The following CATSPERZ variants were observed in gnomAD, a reference collection of about 807,000 sequenced individuals.
The protein encoded by CATSPERZ is catsper channel auxiliary subunit zeta, also known as cation channel sperm-associated auxiliary subunit zeta.
CATSPERZ carries 21 observed loss-of-function variants against 21.7 expected under a neutral mutation model. The ratio of observed to expected loss-of-function variants is 0.97; its 90% CI spans 0.69 to 1.39. The LOEUF is 1.39. Among genes scored for constraint, CATSPERZ ranks in the 40% most tolerant of loss-of-function variants. CATSPERZ has a pLI of 0.00. For missense variants in CATSPERZ, 234 were observed against 259.5 expected (o/e 0.90, Z 0.68); for synonymous variants, 127 against 108.7 (o/e 1.17, Z -1.05).
At position 64,300,984 on chromosome 11, in the gene CATSPERZ, G is replaced by A. The variant is rs1362516298; in HGVS notation, c.349G>A (p.Ala117Thr). ...GEKDTASQIE[A>T]EKSSSMSSLN... ...GAAGGACACTGCATCCCAGATCGAG[G>A]CCGGTCAGTGTGGCCTCGCCAGGCC... The change falls in exon 2 of 5, where the codon GCC (alanine) becomes ACC (threonine). Residue 117 changes from alanine (A) to threonine (T), a missense_variant. Transcript: ENST00000328404. The A allele has an allele frequency of 7.8e-6, 12 of 1,538,552 alleles. No individual in the cohort carries two copies. In the East Asian group the frequency reaches 2.9e-4, roughly 37 times the overall value.
At chr11:64,302,837 C>T (rs2034948325) in intron 2 of CATSPERZ, among the ~76,000 whole-genome samples, 1 of 151,380 alleles carries the variant, frequency 6.6e-6, no homozygotes, top group Admixed American at 6.6e-5. Context: ...TCCCGAAGTG[C>T]CTGGATTACA....
intron 3 of CATSPERZ, 96 bp downstream of exon 3, chr11:64,303,657 T>C: frequency 1.1e-6 from 1 of 879,560 alleles, no homozygotes; most frequent in Non-Finnish European, 1.4e-6. Context: ...GTTGGCAGGG[T>C]GGAGGGGCAG....
In CATSPERZ at chr11:64,303,541, TG is replaced by T. The variant is rs1565372559; in HGVS notation, c.415del (p.Ala139GlnfsTer11). ...IAKHMPHRAYWAEQQSRLPLP... is the reference protein window; with the variant it reads ...IAKHMPHRAYXAEQQSRLPLP... Reference sequence around the variant, plus strand: ...GAAGCACATGCCCCATCGAGCCTACTGGGCAGAGCAGCAGAGCAGGGTTGGA... The same window carrying T: ...GAAGCACATGCCCCATCGAGCCTACTGGCAGAGCAGCAGAGCAGGGTTGGA... On this transcript the variant is annotated frameshift_variant, in exon 3 of 5. Transcript: ENST00000328404. LOFTEE classifies it high-confidence loss of function. 6.2e-7 allele frequency: 1 copy of T among 1,613,050 alleles called. No homozygotes were observed. Among genetic ancestry groups the T allele is most frequent in the Non-Finnish European group, 8.5e-7 (1 of 1,179,710 alleles).
At chr11:64,301,125 A>G (rs566385281) in intron 2 of CATSPERZ, 138 bp downstream of exon 2, 1 of 900,560 alleles carries the variant, frequency 1.1e-6, no homozygotes, top group Non-Finnish European at 1.6e-6. Context: ...GCCCGCGCCA[A>G]TCTTTCGCCC....
Position 64,304,601 on chromosome 11 carries a change from C to A in CATSPERZ, c.558C>A (p.Ile186=). The change falls in exon 5 of 5, where the codon ATC becomes ATA. Residue 186 remains isoleucine (I), a synonymous_variant. Coordinates refer to ENST00000328404, the MANE Select transcript of CATSPERZ (RefSeq NM_001039496.2). ...HFLTKELQRY[I]EGLKKRRSKR... is the part of the protein sequence containing the mutation. ...TGACTAAGGAGCTGCAGCGATACAT[C>A]GAAGGGCTCAAGAAGCGCCGGAGCA... 1.3e-6 allele frequency: 2 copies of A among 1,586,552 alleles called. No individual in the cohort carries two copies. The highest frequency in any genetic ancestry group is 1.7e-6 in the Non-Finnish European group (2 of 1,167,372).
rs1165243660 is a variant in CATSPERZ at position 64,303,578 on chromosome 11, A to G, written c.432+17A>G. ...CAGAGCAGGGTTGGAGGGGCTGGGGAGACTGGGCGTTTCGGTGGGGTAGGG... is the reference window on the plus strand; with the variant it reads ...CAGAGCAGGGTTGGAGGGGCTGGGGGGACTGGGCGTTTCGGTGGGGTAGGG... On this transcript the variant is annotated intron_variant, in intron 3 of 4. Coordinates refer to ENST00000328404, the MANE Select transcript of CATSPERZ (RefSeq NM_001039496.2). The G allele has an allele frequency of 4.4e-6, 7 of 1,606,282 alleles. No homozygotes were observed. The Admixed American group carries it at 1.2e-4, about 27-fold the overall frequency.
At chr11:64,303,369 C>A in intron 2 of CATSPERZ, 113 bp from the exon 3 acceptor site, 3 of 820,204 alleles carry the variant, frequency 3.7e-6, no homozygotes, top group Non-Finnish European at 5.9e-6. Context: ...AAGGCTGCAC[C>A]AGGAGCTGGT....
intron 2 of CATSPERZ, among the ~76,000 whole-genome samples, chr11:64,301,336 G>C (rs1170418183): frequency 6.6e-6 from 1 of 152,068 alleles, no homozygotes; most frequent in Non-Finnish European, 1.5e-5. Flanking sequence ...CTGTCGCCCA[G>C]GCTGGATGGA....
At chr11:64,303,600 A>C in intron 3 of CATSPERZ, 39 bp downstream of exon 3, 1 of 1,429,678 alleles carries the variant, frequency 7.0e-7, no homozygotes, top group Non-Finnish European at 9.3e-7. Context: ...TCGGTGGGGT[A>C]GGGGATAGGC....
At chr11:64,304,412 C>G in intron 4 of CATSPERZ, 131 bp from the exon 5 acceptor site, 1 of 662,326 alleles carries the variant, frequency 1.5e-6, no homozygotes, top group Non-Finnish European at 2.6e-6. Flanking sequence ...CAGGCTAACA[C>G]AGACCTGAGT....
Position 64,304,692 on chromosome 11 carries a change from C to A in CATSPERZ, c.*46C>A. ...GCAGCGACCCGAACCAGCCCCGTGC[C>A]AGCCCGGTCCCCAGACCCAAGCCTG... On this transcript the variant is annotated 3_prime_UTR_variant, in exon 5 of 5. Transcript: ENST00000328404. The A allele has an allele frequency of 6.6e-7, 1 of 1,508,454 alleles. No homozygotes were observed. Among genetic ancestry groups the A allele is most frequent in the Non-Finnish European group, 9.0e-7 (1 of 1,110,446 alleles). The allele number at this position is 1,508,454 out of a possible 1,614,324, so 93.4% of individuals were successfully genotyped here.
At chr11:64,301,522 C>A (rs2034926934) in intron 2 of CATSPERZ, among the ~76,000 whole-genome samples, 1 of 151,420 alleles carries the variant, frequency 6.6e-6, no homozygotes, top group Admixed American at 6.6e-5. Context: ...TACAGGCGCG[C>A]GCCACCACGT....
intron 4 of CATSPERZ, among the ~76,000 whole-genome samples, chr11:64,304,149 T>C (rs1436787126): frequency 6.6e-6 from 1 of 152,174 alleles, no homozygotes; most frequent in African/African-American, 2.4e-5. Flanking sequence ...TGGTGTGGCC[T>C]CGACTGCCTC....
intron 4 of CATSPERZ, 63 bp from the exon 5 acceptor site, chr11:64,304,480 C>A: frequency 7.7e-7 from 1 of 1,293,502 alleles, no homozygotes; most frequent in Non-Finnish European, 1.1e-6. Flanking sequence ...ACATGCGGCG[C>A]CCCCTGGTGG....
intron 2 of CATSPERZ, among the ~76,000 whole-genome samples, chr11:64,301,479 C>T (rs1289724149): frequency 6.9e-6 from 1 of 144,858 alleles, no homozygotes; most frequent in Non-Finnish European, 1.5e-5. Context: ...GATCTCTGCT[C>T]GCTGCAACCT....
chr11:64,304,510 A>G, intron 4 of CATSPERZ, 33 bp from the exon 5 acceptor site: 1 of 1,532,636 alleles, frequency 6.5e-7, no homozygotes, highest in Non-Finnish European at 8.8e-7. Context: ...TCGGTTGCTC[A>G]CTGCCCTGAG....
chr11:64,300,671 T>C lies in CATSPERZ; in HGVS notation c.36T>C (p.Ser12=). 6.5e-7 allele frequency: 1 copy of C among 1,537,436 alleles called. No individual in the cohort carries two copies. Among genetic ancestry groups the C allele is most frequent in the Non-Finnish European group, 8.8e-7 (1 of 1,137,372 alleles). ...EEKPSKVSLK[S]SDRQGSDEES... ...GTGGCCCACAGGTGTCGCTCAAGTC[T>C]TCCGACCGCCAAGGCTCGGACGAGG... Residue 12 remains serine, a synonymous_variant, in exon 2 of 5, where the codon TCT becomes TCC. Coordinates refer to ENST00000328404, the MANE Select transcript of CATSPERZ (RefSeq NM_001039496.2).
chr11:64,300,511 TACTC>T, intron 1 of CATSPERZ, 80 bp downstream of exon 1: 1 of 1,561,312 alleles, frequency 6.4e-7, no homozygotes, highest in Non-Finnish European at 8.7e-7. Flanking sequence ...CGCTATTTCT[TACTC>T]AGCCTTGGCT....
chr11:64,303,525 GC>G lies in CATSPERZ; in HGVS notation c.400del (p.His134IlefsTer16). 1 of 1,613,466 alleles carries G rather than the reference GC, an allele frequency of 6.2e-7. No homozygotes were observed. Among genetic ancestry groups the G allele is most frequent in the East Asian group, 2.2e-5 (1 of 44,886 alleles). Reference protein sequence around the residue: ...MSSLNIAKHMPHRAYWAEQQS... With the variant: ...MSSLNIAKHMXHRAYWAEQQS... ...CATCACTCAATATTGCGAAGCACAT[GC>G]CCCATCGAGCCTACTGGGCAGAGCA... On this transcript the variant is annotated frameshift_variant, in exon 3 of 5. Coordinates refer to ENST00000328404, the MANE Select transcript of CATSPERZ (RefSeq NM_001039496.2). LOFTEE classifies it high-confidence loss of function.
Sources: gnomAD v4.1 joint callset for allele counts (sites outside exome capture counted in the v4.1 genomes callset) on GRCh38, gnomAD v4.1.1 for gene constraint, MANE v1.5 for transcripts, NCBI Gene and HGNC (gene_info 2026-07-23, HGNC 2026-07-21) for gene names.